ATP2B2: variants seen among roughly 807,000 people sequenced by gnomAD.
ATP2B2 encodes the protein plasma membrane calcium-transporting ATPase 2.
In ATP2B2, 15 loss-of-function variants were observed where a neutral mutation model predicts 120.0. The observed-to-expected ratio is 0.12, with a 90% CI of 0.08 to 0.19. ATP2B2 has a LOEUF of 0.19. Ranked by LOEUF, ATP2B2 falls within the 10% of genes least tolerant of loss-of-function variation. The pLI is 1.00. For missense variants in ATP2B2, 1,045 were observed against 1,719.8 expected (o/e 0.61, Z 6.94); for synonymous variants, 694 against 700.3 (o/e 0.99, Z 0.14).
At chr3:10,427,672 G>A (rs1036280540) in intron 2 of ATP2B2, among the ~76,000 whole-genome samples, 6 of 152,200 alleles carry the variant, frequency 3.9e-5, no homozygotes, top group Admixed American at 6.5e-5. Context: ...AAGGTGGAGG[G>A]AGACACCTAA....
intron 1 of ATP2B2, among the ~76,000 whole-genome samples, chr3:10,469,666 T>C (rs1039069218): frequency 6.6e-6 from 1 of 152,160 alleles, no homozygotes; most frequent in African/African-American, 2.4e-5. Flanking sequence ...CTCCAGTTTC[T>C]CTCTCTGAGC....
intron 1 of ATP2B2, among the ~76,000 whole-genome samples, chr3:10,492,091 T>G (rs2065954930): frequency 6.6e-6 from 1 of 152,346 alleles, no homozygotes; most frequent in Admixed American, 6.5e-5. Context: ...CATGCATTAT[T>G]TTTGTAATTC....
chr3:10,362,157 T>C (rs939061044), intron 12 of ATP2B2, among the ~76,000 whole-genome samples: 2 of 152,350 alleles, frequency 1.3e-5, no homozygotes, highest in African/African-American at 4.8e-5. Context: ...AACACGCCTG[T>C]GTCCCCCTGA....
intron 11 of ATP2B2, 126 bp from the exon 12 acceptor site, chr3:10,372,177 C>T (rs1470115808): frequency 5.2e-5 from 70 of 1,357,968 alleles, no homozygotes; most frequent in Non-Finnish European, 6.9e-5. Context: ...CCTTTGCTTC[C>T]GGCACTTGTA....
At chr3:10,614,629 T>C (rs1301379671) in intron 2 of ATP2B2, among the ~76,000 whole-genome samples, 1 of 152,136 alleles carries the variant, frequency 6.6e-6, no homozygotes, top group Non-Finnish European at 1.5e-5. Flanking sequence ...GCAAGTGGCC[T>C]CCCCTCCCTG....
chr3:10,658,406 G>A (rs1208449964), intron 1 of ATP2B2, among the ~76,000 whole-genome samples: 5 of 152,210 alleles, frequency 3.3e-5, no homozygotes, highest in Non-Finnish European at 7.3e-5. Flanking sequence ...TAAATGACCT[G>A]ATGGAGCTGA....
At chr3:10,491,931 T>A (rs1433291135) in intron 1 of ATP2B2, among the ~76,000 whole-genome samples, 2 of 152,178 alleles carry the variant, frequency 1.3e-5, no homozygotes, top group Non-Finnish European at 2.9e-5. Context: ...ACTTCAGAGA[T>A]GTTAAAATGC....
intron 3 of ATP2B2, among the ~76,000 whole-genome samples, chr3:10,520,486 T>G (rs1216172267): frequency 6.6e-6 from 1 of 152,196 alleles, no homozygotes; most frequent in Admixed American, 6.5e-5. Context: ...TTTTTTTTGT[T>G]TTGAGACAGA....
chr3:10,488,986 G>A (rs746025525), intron 1 of ATP2B2, among the ~76,000 whole-genome samples: 5 of 152,156 alleles, frequency 3.3e-5, no homozygotes, highest in Non-Finnish European at 7.3e-5. Flanking sequence ...CAACTTGTCA[G>A]CTCTCTGAAT....
intron 2 of ATP2B2, among the ~76,000 whole-genome samples, chr3:10,537,287 C>T (rs1013373485): frequency 6.6e-6 from 1 of 152,138 alleles, no homozygotes; most frequent in African/African-American, 2.4e-5. Context: ...AGAAATTGCA[C>T]AGAACAGACA....
At chr3:10,637,304 G>C (rs1225208749) in intron 1 of ATP2B2, among the ~76,000 whole-genome samples, 1 of 152,110 alleles carries the variant, frequency 6.6e-6, no homozygotes, top group Non-Finnish European at 1.5e-5. Flanking sequence ...AAAGAATCAG[G>C]AAATTACAAT....
chr3:10,698,247 G>T (rs1355151213), intron 1 of ATP2B2, among the ~76,000 whole-genome samples: 1 of 152,192 alleles, frequency 6.6e-6, no homozygotes, highest in African/African-American at 2.4e-5. Flanking sequence ...TAAAAGAAAC[G>T]CAGAGATACC....
intron 2 of ATP2B2, among the ~76,000 whole-genome samples, chr3:10,542,230 TG>T (rs1261054965): frequency 3.9e-5 from 6 of 152,230 alleles, no homozygotes; most frequent in Non-Finnish European, 8.8e-5. Flanking sequence ...TTGGTGTATT[TG>T]GGCCATTGAT....
chr3:10,375,837 C>T lies in ATP2B2; in HGVS notation c.1202-193G>A, dbSNP rs2061365901. Among the ~76,000 whole-genome samples, 1 of 152,180 alleles carries T rather than the reference C, an allele frequency of 6.6e-6. No individual in the cohort carries two copies. Among genetic ancestry groups the T allele is most frequent in the Admixed American group, 6.5e-5 (1 of 15,278 alleles). ...CCTCACCGAGCCTCAGTCTCCTGCT[C>T]TGTACAATGGGGATGCATACTTCCT... On this transcript the variant is annotated intron_variant, in intron 10 of 22. Coordinates refer to ENST00000360273, the MANE Select transcript of ATP2B2 (RefSeq NM_001001331.4). The surrounding 1 kb of genome is among the most constrained non-coding windows in gnomAD (Gnocchi z 4.2).
chr3:10,621,715 A>G (rs1424361201), intron 1 of ATP2B2, among the ~76,000 whole-genome samples: 1 of 152,184 alleles, frequency 6.6e-6, no homozygotes, highest in Non-Finnish European at 1.5e-5. Context: ...ACAAAGCTAA[A>G]ATCTGAAACA....
At chr3:10,373,340 C>T (rs559597673) in intron 11 of ATP2B2, among the ~76,000 whole-genome samples, 8 of 152,344 alleles carry the variant, frequency 5.3e-5, no homozygotes, top group Non-Finnish European at 8.8e-5. Context: ...TTTAACCTCA[C>T]AGCCTGGACC....
chr3:10,701,336 T>C (rs1050013653), intron 1 of ATP2B2, among the ~76,000 whole-genome samples: 1 of 152,240 alleles, frequency 6.6e-6, no homozygotes, highest in Non-Finnish European at 1.5e-5. Context: ...CCCAGTTCTA[T>C]ATTATGACTG....
At chr3:10,471,673 T>C (rs1461770312) in intron 1 of ATP2B2, among the ~76,000 whole-genome samples, 1 of 152,042 alleles carries the variant, frequency 6.6e-6, no homozygotes, top group Non-Finnish European at 1.5e-5. Context: ...GCAAGGAAGG[T>C]GACGAATATG....
chr3:10,670,384 A>G (rs1163800315), intron 1 of ATP2B2, among the ~76,000 whole-genome samples: 1 of 152,160 alleles, frequency 6.6e-6, no homozygotes, highest in Non-Finnish European at 1.5e-5. Context: ...ATTGGCTTAG[A>G]GAAGGTAAGT....
Sources: gnomAD v4.1 joint callset for allele counts (sites outside exome capture counted in the v4.1 genomes callset) on GRCh38, gnomAD v4.1.1 for gene constraint, Gnocchi (gnomAD v3.1) non-coding constraint, MANE v1.5 for transcripts, NCBI Gene and HGNC (gene_info 2026-07-23, HGNC 2026-07-21) for gene names.